The following SH3GL2 variants were observed in gnomAD, a reference collection of about 807,000 sequenced individuals.
SH3GL2 encodes the protein endophilin-A1.
Under a neutral mutation model 46.0 loss-of-function variants are expected in SH3GL2, and 24 were observed. The ratio of observed to expected loss-of-function variants is 0.52; its 90% CI spans 0.38 to 0.73. The LOEUF is 0.73. Ranked by LOEUF, SH3GL2 falls within the 30% of genes least tolerant of loss-of-function variation. SH3GL2 has a pLI of 0.00. For missense variants in SH3GL2, 413 were observed against 424.2 expected (o/e 0.97, Z 0.23); for synonymous variants, 196 against 147.1 (o/e 1.33, Z -2.40).
At chr9:17,736,066 G>A (rs1164539127) in intron 1 of SH3GL2, among the ~76,000 whole-genome samples, 1 of 152,002 alleles carries the variant, frequency 6.6e-6, no homozygotes, top group Non-Finnish European at 1.5e-5. Flanking sequence ...CAGACCTCAC[G>A]GCATAGGGTG....
chr9:17,741,984 C>T lies in SH3GL2; in HGVS notation c.46-5082C>T, dbSNP rs370658087. 7.9e-5 allele frequency among the ~76,000 whole-genome samples: 12 copies of T among 152,010 alleles called. No individual in the cohort carries two copies. In the East Asian group the frequency reaches 2.1e-3, roughly 27 times the overall value. On this transcript the variant is annotated intron_variant, in intron 1 of 8. Coordinates refer to ENST00000380607, the MANE Select transcript of SH3GL2 (RefSeq NM_003026.5). ...GTAGAAAAGGAAATAGTTTCAGGTACAAAGCAAAGGGAACAAACAGCACAT... is the reference window on the plus strand; with the variant it reads ...GTAGAAAAGGAAATAGTTTCAGGTATAAAGCAAAGGGAACAAACAGCACAT...
intron 3 of SH3GL2, among the ~76,000 whole-genome samples, chr9:17,782,466 C>A (rs939647617): frequency 2.6e-5 from 4 of 152,134 alleles, no homozygotes; most frequent in African/African-American, 7.2e-5. Flanking sequence ...TTTTAGCCTA[C>A]CTGAGAAGTG....
intron 1 of SH3GL2, among the ~76,000 whole-genome samples, chr9:17,731,477 C>G (rs1279243172): frequency 6.6e-6 from 1 of 151,358 alleles, no homozygotes; most frequent in Admixed American, 6.6e-5. Flanking sequence ...GAGAGAGCAT[C>G]TTTCTCTCTC....
At chr9:17,684,499 C>G (rs1039452733) in intron 1 of SH3GL2, among the ~76,000 whole-genome samples, 3 of 151,838 alleles carry the variant, frequency 2.0e-5, no homozygotes, top group African/African-American at 7.3e-5. Flanking sequence ...AATTAGAATC[C>G]CAGAATGAGA....
chr9:17,669,587 C>G lies in SH3GL2; in HGVS notation c.46-77479C>G, dbSNP rs1820423392. On this transcript the variant is annotated intron_variant, in intron 1 of 8. Coordinates refer to ENST00000380607, the MANE Select transcript of SH3GL2 (RefSeq NM_003026.5). Reference sequence around the variant, plus strand: ...CAGTGCAGTTTCTTGGAGATTTACTCAAATTATTGCATGTTTATTGTTGAG... The same window carrying G: ...CAGTGCAGTTTCTTGGAGATTTACTGAAATTATTGCATGTTTATTGTTGAG... 5.3e-5 allele frequency among the ~76,000 whole-genome samples: 8 copies of G among 152,134 alleles called. No homozygotes were observed. In the South Asian group the frequency reaches 1.7e-3, roughly 32 times the overall value.
At chr9:17,613,117 G>C (rs996213165) in intron 1 of SH3GL2, among the ~76,000 whole-genome samples, 1 of 152,008 alleles carries the variant, frequency 6.6e-6, no homozygotes, top group Non-Finnish European at 1.5e-5. Context: ...GTCTAAATAC[G>C]GTCTTTTATT....
intron 1 of SH3GL2, among the ~76,000 whole-genome samples, chr9:17,580,533 C>T (rs1818257535): frequency 6.6e-6 from 1 of 152,186 alleles, no homozygotes. Context: ...TACCTGTCAA[C>T]TTAGGAAATC....
intron 5 of SH3GL2, among the ~76,000 whole-genome samples, 164 bp downstream of exon 5, chr9:17,787,677 G>A (rs1010246787): frequency 6.6e-6 from 1 of 152,118 alleles, no homozygotes; most frequent in Non-Finnish European, 1.5e-5. Flanking sequence ...AACCAGAAAT[G>A]TGATACTTTT....
At chr9:17,697,413 AG>A (rs982915602) in intron 1 of SH3GL2, among the ~76,000 whole-genome samples, 1 of 142,086 alleles carries the variant, frequency 7.0e-6, no homozygotes, top group African/African-American at 2.5e-5. Flanking sequence ...TAGTAGAGAC[AG>A]GGTTTCACCA....
At position 17,647,713 on chromosome 9, in the gene SH3GL2, A is replaced by G. The variant is rs144852483; in HGVS notation, c.45+68426A>G. 4.6e-3 allele frequency among the ~76,000 whole-genome samples: 703 copies of G among 152,310 alleles called. 3 individuals are homozygous for G. Among genetic ancestry groups the G allele is most frequent in the African/African-American group, 0.016 (671 of 41,564 alleles). On this transcript the variant is annotated intron_variant, in intron 1 of 8. Transcript: ENST00000380607. ...AGGAGGGATTATAAAGATTAAAATA[A>G]ATGATACACATAAAGGATTTAGCAT...
chr9:17,729,265 C>A (rs748046544), intron 1 of SH3GL2, among the ~76,000 whole-genome samples: 1 of 152,050 alleles, frequency 6.6e-6, no homozygotes, highest in Admixed American at 6.6e-5. Flanking sequence ...TAAATGTCAT[C>A]TTTTGAAAAG....
rs1004112104 is a variant in SH3GL2 at position 17,600,030 on chromosome 9, CTTAT to C, written c.45+20746_45+20749del. Reference sequence around the variant, plus strand: ...ATTTTGTATTTAAATTCTTATAACACTTATTTTGGGCTCCTATACATGCTCTTCC... The same window carrying C: ...ATTTTGTATTTAAATTCTTATAACACTTTGGGCTCCTATACATGCTCTTCC... On this transcript the variant is annotated intron_variant, in intron 1 of 8. Transcript: ENST00000380607. 4.0e-5 allele frequency among the ~76,000 whole-genome samples: 6 copies of C among 151,380 alleles called. No individual in the cohort carries two copies. In the East Asian group the frequency reaches 5.8e-4, roughly 15 times the overall value.
chr9:17,753,442 T>G (rs911206978), intron 2 of SH3GL2, among the ~76,000 whole-genome samples: 2 of 152,250 alleles, frequency 1.3e-5, no homozygotes, highest in Admixed American at 6.5e-5. Context: ...GTTGAGTGTT[T>G]TCTCATATGT....
chr9:17,666,578 G>GTGTA (rs144961549), intron 1 of SH3GL2, among the ~76,000 whole-genome samples: 3,261 of 148,168 alleles, frequency 0.022, 113 homozygotes, highest in African/African-American at 0.076. Context: ...GTGTGTGTGT[G>GTGTA]TATATACATT....
chr9:17,634,462 G>C (rs1203632244), intron 1 of SH3GL2, among the ~76,000 whole-genome samples: 1 of 152,108 alleles, frequency 6.6e-6, no homozygotes, highest in African/African-American at 2.4e-5. Context: ...TTTGTAAGTG[G>C]GGTGTTTCCA....
At chr9:17,646,722 T>G (rs1243660280) in intron 1 of SH3GL2, among the ~76,000 whole-genome samples, 1 of 152,178 alleles carries the variant, frequency 6.6e-6, no homozygotes, top group Non-Finnish European at 1.5e-5. Context: ...CAGCAAAGAT[T>G]GATGCCTGCT....
chr9:17,753,396 G>T (rs918116327), intron 2 of SH3GL2, among the ~76,000 whole-genome samples: 1 of 151,952 alleles, frequency 6.6e-6, no homozygotes, highest in African/African-American at 2.4e-5. Context: ...TTATCTCATT[G>T]TGGTTTTGAT....
intron 1 of SH3GL2, among the ~76,000 whole-genome samples, chr9:17,701,344 GA>G (rs1821339025): frequency 6.6e-6 from 1 of 152,156 alleles, no homozygotes; most frequent in East Asian, 1.9e-4. Flanking sequence ...AGCCTAAAAT[GA>G]AGAGGGAAAC....
chr9:17,710,915 G>C lies in SH3GL2; in HGVS notation c.46-36151G>C, dbSNP rs142450058. On this transcript the variant is annotated intron_variant, in intron 1 of 8. Coordinates refer to ENST00000380607, the MANE Select transcript of SH3GL2 (RefSeq NM_003026.5). Reference sequence around the variant, plus strand: ...GCTGTATATAAATTAGATACAGTAGGAGATTCACAACAATAACTAAAGTAG... The same window carrying C: ...GCTGTATATAAATTAGATACAGTAGCAGATTCACAACAATAACTAAAGTAG... 9.2e-5 allele frequency among the ~76,000 whole-genome samples: 14 copies of C among 151,970 alleles called. 1 individual carries two copies. The East Asian group carries it at 2.3e-3, about 25-fold the overall frequency.
Sources: gnomAD v4.1 joint callset for allele counts (sites outside exome capture counted in the v4.1 genomes callset) on GRCh38, gnomAD v4.1.1 for gene constraint, MANE v1.5 for transcripts, NCBI Gene and HGNC (gene_info 2026-07-23, HGNC 2026-07-21) for gene names.